MTMR8: variants seen among roughly 807,000 people sequenced by gnomAD.
The protein encoded by MTMR8 is myotubularin related protein 8, also known as phosphatidylinositol-3,5-bisphosphate 3-phosphatase MTMR8.
MTMR8 carries 65 observed loss-of-function variants against 39.3 expected under a neutral mutation model. That is an observed-to-expected ratio of 1.65 (90% CI 1.35 to 2.03). MTMR8 has a LOEUF of 2.03. MTMR8 is among the 30% of genes most tolerant of loss of function. The pLI, the probability that MTMR8 is intolerant of heterozygous loss-of-function variation, is 0.00. For synonymous variants in MTMR8, 245 were observed against 185.2 expected, an observed-to-expected ratio of 1.32 and a Z score of -2.62; for missense variants, 777 against 538.9, an observed-to-expected ratio of 1.44 and a Z score of -4.37.
chrX:64,353,727 C>T (rs886268246), intron 4 of MTMR8, among the ~76,000 whole-genome samples: 3 of 110,850 alleles, frequency 2.7e-5, no homozygotes, highest in Admixed American at 1.9e-4. Context: ...GAGGGAGGAT[C>T]GCTTGAGCCC....
chrX:64,311,948 G>C (rs1476737302), intron 12 of MTMR8, among the ~76,000 whole-genome samples: 6 of 110,922 alleles, frequency 5.4e-5, no homozygotes, highest in Non-Finnish European at 1.9e-5. Context: ...GATGCCTCCA[G>C]CTTTGTTCTT....
At chrX:64,345,825 C>G (rs1346435417) in intron 6 of MTMR8, among the ~76,000 whole-genome samples, 2 of 111,608 alleles carry the variant, frequency 1.8e-5, no homozygotes, top group Non-Finnish European at 3.8e-5. Context: ...CTCGCTGTTC[C>G]CCACACTGGC....
intron 12 of MTMR8, chrX:64,305,753 A>C (rs1922088708): frequency 4.5e-6 from 2 of 445,390 alleles, no homozygotes; most frequent in East Asian, 4.2e-5. Flanking sequence ...GAATTAGAAC[A>C]CAAAGAGCTG....
intron 1 of MTMR8, among the ~76,000 whole-genome samples, chrX:64,393,696 G>A (rs1036338104): frequency 4.5e-5 from 5 of 111,720 alleles, no homozygotes; most frequent in Admixed American, 1.9e-4. Context: ...GAAACAAAGG[G>A]ACACAGAAAA....
chrX:64,356,876 T>C (rs1411719215), intron 2 of MTMR8, among the ~76,000 whole-genome samples: 1 of 110,985 alleles, frequency 9.0e-6, no homozygotes, highest in Non-Finnish European at 1.9e-5. Flanking sequence ...AGATATCATA[T>C]AGCCAAGAAG....
At chrX:64,390,196 T>C (rs183445646) in intron 1 of MTMR8, among the ~76,000 whole-genome samples, 1 of 112,321 alleles carries the variant, frequency 8.9e-6, no homozygotes, top group East Asian at 2.8e-4. Flanking sequence ...AGGGCTAATG[T>C]AGTTAACATG....
chrX:64,344,467 T>C (rs1291705127), intron 7 of MTMR8, among the ~76,000 whole-genome samples: 1 of 111,255 alleles, frequency 9.0e-6, no homozygotes, highest in Non-Finnish European at 1.9e-5. Flanking sequence ...TAGAACATCA[T>C]GGAATCCTGG....
chrX:64,337,984 C>T (rs1411899009), intron 8 of MTMR8, among the ~76,000 whole-genome samples: 1 of 111,356 alleles, frequency 9.0e-6, no homozygotes. Context: ...CCTCTATGTG[C>T]CAGGTATTAG....
rs1331151598 is a variant in MTMR8 at position 64,359,405 on chromosome X, C to T, written c.147G>A (p.Trp49Ter). 2 of 1,200,872 alleles carry T rather than the reference C, an allele frequency of 1.7e-6. No homozygotes were observed. The highest frequency in any genetic ancestry group is 2.2e-6 in the Non-Finnish European group (2 of 889,147). Reference sequence around the variant, plus strand: ...TTGATACTTCTTCTCATGAACATACCCATGTTTCTTTCCGGGCTGCACCTG... The same window carrying T: ...TTGATACTTCTTCTCATGAACATACTCATGTTTCTTTCCGGGCTGCACCTG... ...EASGAARKET[W>*]IALHHIATVE... The change falls in exon 2 of 14, where the codon TGG becomes TGA. Residue 49 changes from tryptophan (W) to a stop codon, truncating the protein, a stop_gained and splice_region_variant. Transcript: ENST00000374852. LOFTEE classifies it high-confidence loss of function.
chrX:64,332,203 C>T (rs753451092), intron 10 of MTMR8, among the ~76,000 whole-genome samples: 1 of 112,185 alleles, frequency 8.9e-6, no homozygotes, highest in East Asian at 2.8e-4. Context: ...ATATTGTTTA[C>T]TGCATAGTGC....
chrX:64,332,114 G>T (rs760315935), intron 10 of MTMR8, among the ~76,000 whole-genome samples: 1 of 112,357 alleles, frequency 8.9e-6, no homozygotes, highest in Non-Finnish European at 1.9e-5. Context: ...CTGAGGAACT[G>T]AATTTTTAAT....
chrX:64,355,133 G>A (rs761701606), intron 3 of MTMR8, among the ~76,000 whole-genome samples, 199 bp from the exon 4 acceptor site: 1 of 111,623 alleles, frequency 9.0e-6, no homozygotes, highest in Non-Finnish European at 1.9e-5. Flanking sequence ...TTGAAAAAAT[G>A]TTTTAATTTT....
chrX:64,338,710 G>A (rs1367548881), intron 8 of MTMR8, among the ~76,000 whole-genome samples: 4 of 111,977 alleles, frequency 3.6e-5, no homozygotes, highest in Non-Finnish European at 7.5e-5. Flanking sequence ...GAAGACATGA[G>A]TTTGGATACA....
At chrX:64,338,528 A>G (rs932541899) in intron 8 of MTMR8, among the ~76,000 whole-genome samples, 2 of 112,216 alleles carry the variant, frequency 1.8e-5, no homozygotes, top group Non-Finnish European at 3.8e-5. Context: ...GACTCAGGCT[A>G]AGCTGGAAGT....
intron 12 of MTMR8, among the ~76,000 whole-genome samples, chrX:64,301,545 A>G (rs1216826404): frequency 1.8e-5 from 2 of 110,894 alleles, no homozygotes; most frequent in African/African-American, 6.6e-5. Context: ...GCTCAGAGTA[A>G]TTTGATCATC....
intron 12 of MTMR8, among the ~76,000 whole-genome samples, chrX:64,285,611 A>G (rs1306293367): frequency 8.9e-6 from 1 of 112,173 alleles, no homozygotes; most frequent in African/African-American, 3.2e-5. Flanking sequence ...AACAGAAATT[A>G]TAACAAATTT....
intron 12 of MTMR8, chrX:64,306,414 A>G (rs981661939): frequency 1.9e-5 from 3 of 159,563 alleles, no homozygotes; most frequent in Admixed American, 7.5e-5. Context: ...TCCAGATTTT[A>G]TTTTTATAAA....
At chrX:64,312,172 A>G (rs1922327764) in intron 12 of MTMR8, among the ~76,000 whole-genome samples, 1 of 110,924 alleles carries the variant, frequency 9.0e-6, no homozygotes, top group Non-Finnish European at 1.9e-5. Flanking sequence ...TTCCTCTTTT[A>G]TTTCGTTGAG....
intron 1 of MTMR8, among the ~76,000 whole-genome samples, chrX:64,377,878 G>A (rs748240050): frequency 1.8e-5 from 2 of 112,095 alleles, no homozygotes; most frequent in Non-Finnish European, 3.8e-5. Flanking sequence ...AGGGCTTGGT[G>A]AGGGTAATTG....
Sources: gnomAD v4.1 joint callset for allele counts (sites outside exome capture counted in the v4.1 genomes callset) on GRCh38, gnomAD v4.1.1 for gene constraint, MANE v1.5 for transcripts, NCBI Gene and HGNC (gene_info 2026-07-23, HGNC 2026-07-21) for gene names.